Variants in KRT5 observed in about 807,000 individuals in gnomAD.
KRT5 encodes keratin, type II cytoskeletal 5.
In KRT5, 17 loss-of-function variants were observed where a neutral mutation model predicts 44.0. The observed-to-expected ratio is 0.39, with a 90% CI of 0.26 to 0.58. The LOEUF is 0.58. KRT5 is among the 20% of genes least tolerant of loss of function. KRT5 has a pLI of 0.61. For missense variants in KRT5, 737 were observed against 785.5 expected (o/e 0.94, Z 0.74); for synonymous variants, 329 against 312.8 (o/e 1.05, Z -0.55).
Position 52,514,863 on chromosome 12 carries a change from G to T in KRT5, c.*79C>A. 8.0e-7 allele frequency: 1 copy of T among 1,244,952 alleles called. No homozygotes were observed. The highest frequency in any genetic ancestry group is 1.2e-6 in the Non-Finnish European group (1 of 851,926). 77.1% of individuals were successfully genotyped at this position (1,244,952 alleles called of 1,614,324 possible). A position where few individuals can be genotyped will look rare whatever the true frequency, so the allele number is the denominator to read the frequency against. ...ACTCTCCAGAAAAGGATAAAACATG[G>T]CTTGAGCAACTGCCTAGAAGAGGCA... On this transcript the variant is annotated 3_prime_UTR_variant, in exon 9 of 9. Transcript: ENST00000252242.
chr12:52,518,269 TCTC>T, intron 2 of KRT5, 106 bp from the exon 3 acceptor site: 1 of 1,058,018 alleles, frequency 9.5e-7, no homozygotes, highest in Non-Finnish European at 1.5e-6. Context: ...GGAAGGGGCT[TCTC>T]CTCATAGGCA....
intron 7 of KRT5, 113 bp downstream of exon 7, chr12:52,516,523 GT>G: frequency 9.6e-7 from 1 of 1,043,482 alleles, no homozygotes; most frequent in Non-Finnish European, 1.5e-6. Flanking sequence ...TGTTGATGAT[GT>G]GTCATTATCA....
chr12:52,516,517 G>A, intron 7 of KRT5, 120 bp downstream of exon 7: 2 of 1,010,878 alleles, frequency 2.0e-6, no homozygotes, highest in Non-Finnish European at 3.1e-6. Flanking sequence ...AAATAGTGTT[G>A]ATGATGTGTC....
chr12:52,519,481 GC>G (rs1938674006), intron 1 of KRT5: 1 of 622,244 alleles, frequency 1.6e-6, no homozygotes, highest in South Asian at 1.9e-5. Flanking sequence ...TTTATATATG[GC>G]ATGAAATTCA....
chr12:52,519,263 C>A (rs1195447349), intron 1 of KRT5, 103 bp from the exon 2 acceptor site: 1 of 1,520,282 alleles, frequency 6.6e-7, no homozygotes, highest in Non-Finnish European at 9.0e-7. Flanking sequence ...TAAAGCTTTT[C>A]TGTGCACTGT....
chr12:52,514,710 A>G lies in KRT5; in HGVS notation c.*232T>C, dbSNP rs761866506. On this transcript the variant is annotated 3_prime_UTR_variant, in exon 9 of 9. Transcript: ENST00000252242. ...TTGGGTTCTCGTGTCAGCAGGGGCCATGCTGTGGGAAACCTGAAGGCTGAT... is the reference window on the plus strand; with the variant it reads ...TTGGGTTCTCGTGTCAGCAGGGGCCGTGCTGTGGGAAACCTGAAGGCTGAT... The G allele has an allele frequency of 8.9e-5, 49 of 551,518 alleles. No individual in the cohort carries two copies. Among genetic ancestry groups the G allele is most frequent in the Non-Finnish European group, 1.5e-4 (47 of 312,118 alleles). The allele number at this position is 551,518 out of a possible 1,614,324, so 34.2% of individuals were successfully genotyped here. A position where few individuals can be genotyped will look rare whatever the true frequency, so the allele number is the denominator to read the frequency against.
In KRT5 at chr12:52,516,865, T is replaced by A; in HGVS notation, c.1219-8A>T. Reference sequence around the variant, plus strand: ...GTTCTGCAGATTGGCGCACTACAGATAGAAAGGAGGAGAGTGGGGTTGCTT... The same window carrying A: ...GTTCTGCAGATTGGCGCACTACAGAAAGAAAGGAGGAGAGTGGGGTTGCTT... On this transcript the variant is annotated splice_polypyrimidine_tract_variant and splice_region_variant and intron_variant, in intron 6 of 8. Coordinates refer to ENST00000252242, the MANE Select transcript of KRT5 (RefSeq NM_000424.4). 6.2e-7 allele frequency: 1 copy of A among 1,614,050 alleles called. No individual in the cohort carries two copies. Among genetic ancestry groups the A allele is most frequent in the Non-Finnish European group, 8.5e-7 (1 of 1,179,970 alleles).
At position 52,520,050 on chromosome 12, in the gene KRT5, A is replaced by G. The variant is rs1372929067; in HGVS notation, c.247T>C (p.Phe83Leu). Residue 83 changes from phenylalanine (F) to leucine (L), a missense_variant, in exon 1 of 9, where the codon TTC (phenylalanine) becomes CTC (leucine). Around this residue, in one of 5 missense-constraint regions of KRT5, gnomAD observed 326 missense variants for 333.1 expected, o/e 0.98. Transcript: ENST00000252242. Reference sequence around the variant, plus strand: ...GCACCAGCACCAAACCGGTTCCTGAAGCTGCCACCACTAGTGCTGATGGAT... The same window carrying G: ...GCACCAGCACCAAACCGGTTCCTGAGGCTGCCACCACTAGTGCTGATGGAT... ...RISISTSGGS[F>L]RNRFGAGAGG... The G allele has an allele frequency of 4.3e-6, 7 of 1,613,950 alleles. No homozygotes were observed. In the African/African-American group the frequency reaches 9.3e-5, roughly 22 times the overall value.
chr12:52,517,605 G>C lies in KRT5; in HGVS notation c.1077C>G (p.Ser359=), dbSNP rs1416682948. ...GAGCACCCACCTTGGTCTGATACCA[G>C]GACTCGGCTTCTGTCCGGCTGCGGT... The part of the protein sequence containing the change: ...IANRSRTEAE[S]WYQTKYEELQ... Residue 359 remains serine, a synonymous_variant, in exon 5 of 9, where the codon TCC becomes TCG. Transcript: ENST00000252242. The C allele has an allele frequency of 6.2e-7, 1 of 1,614,178 alleles. No individual in the cohort carries two copies. The highest frequency in any genetic ancestry group is 8.5e-7 in the Non-Finnish European group (1 of 1,180,044).
chr12:52,519,398 G>GGCTCAGGGGTGGCTGCAAAGGC (rs1938672319), intron 1 of KRT5: 1 of 669,416 alleles, frequency 1.5e-6, no homozygotes, highest in Non-Finnish European at 2.5e-6. Context: ...AGTGTGTCCC[G>GGCTCAGGGGTGGCTGCAAAGGC]GCTCAGGGGT....
chr12:52,520,106 C>A lies in KRT5; in HGVS notation c.191G>T (p.Ser64Ile). 1 of 1,613,888 alleles carries A rather than the reference C, an allele frequency of 6.2e-7. No individual in the cohort carries two copies. The highest frequency in any genetic ancestry group is 8.5e-7 in the Non-Finnish European group (1 of 1,179,890). ...CTTGGAGCCCCCCAGGTTGTAGAGG[C>A]TCCGGCTGCCATAGCCACCCACTCC... The part of the protein sequence containing the change: ...ACGVGGYGSR[S>I]LYNLGGSKRI... The change falls in exon 1 of 9, where the codon AGC becomes ATC. Residue 64 changes from serine (S) to isoleucine (I), a missense_variant. Transcript: ENST00000252242.
chr12:52,515,536 G>A (rs867165985), intron 8 of KRT5: 5 of 621,758 alleles, frequency 8.0e-6, no homozygotes, highest in South Asian at 1.9e-5. Flanking sequence ...GGGGGAGCTA[G>A]GTACTAGGGA....
chr12:52,520,220 G>A lies in KRT5; in HGVS notation c.77C>T (p.Ser26Phe). Reference sequence around the variant, plus strand: ...GGAGGTGAAGCTGGTGCGGGAGACAGACGGGGTGATGGCAGAGGCGGTGCT... The same window carrying A: ...GGAGGTGAAGCTGGTGCGGGAGACAAACGGGGTGATGGCAGAGGCGGTGCT... ...SFSTASAITP[S>F]VSRTSFTSVS... The change falls in exon 1 of 9, where the codon TCT (serine) becomes TTT (phenylalanine). Residue 26 changes from serine (S) to phenylalanine (F), a missense_variant. Ser to Phe is a radical substitution (Grantham distance 155). This residue lies in a region of KRT5 where 326 missense variants were observed against 333.1 expected (regional missense o/e 0.98). Transcript: ENST00000252242. The A allele has an allele frequency of 6.2e-7, 1 of 1,614,124 alleles. No homozygotes were observed. Among genetic ancestry groups the A allele is most frequent in the Non-Finnish European group, 8.5e-7 (1 of 1,180,042 alleles).
At chr12:52,518,882 C>G in intron 2 of KRT5, 64 bp downstream of exon 2, 1 of 1,599,300 alleles carries the variant, frequency 6.3e-7, no homozygotes, top group Non-Finnish European at 8.6e-7. Context: ...AGACTAGTAA[C>G]AAAGCCCATC....
intron 5 of KRT5, 150 bp downstream of exon 5, chr12:52,517,440 T>C: frequency 9.5e-7 from 1 of 1,050,510 alleles, no homozygotes; most frequent in Non-Finnish European, 1.5e-6. Flanking sequence ...TCCTTGGGTT[T>C]AGATGGAAAT....
rs1938684274 is a variant in KRT5 at position 52,519,921 on chromosome 12, C to T, written c.376G>A (p.Gly126Ser). 5.0e-6 allele frequency: 8 copies of T among 1,612,652 alleles called. No homozygotes were observed. Among genetic ancestry groups the T allele is most frequent in the Admixed American group, 1.7e-5 (1 of 59,882 alleles). ...GLGGGAGFGG[G>S]FGGPGFPVCP... ...ACAGGAAAGCCAGGGCCACCGAAGC[C>T]ACCTCCAAAGCCAGCTCCGCCACCG... The change falls in exon 1 of 9, where the codon GGC (glycine) becomes AGC (serine). Residue 126 changes from glycine (G) to serine (S), a missense_variant. Transcript: ENST00000252242.
chr12:52,517,556 C>A (rs1363868518), intron 5 of KRT5, 34 bp downstream of exon 5: 3 of 1,598,536 alleles, frequency 1.9e-6, no homozygotes, highest in Non-Finnish European at 2.6e-6. Flanking sequence ...TGGGTGTGTC[C>A]CCTCACTCAG....
At position 52,516,869 on chromosome 12, in the gene KRT5, AAGG is replaced by A. The variant is rs752588410; in HGVS notation, c.1219-15_1219-13del. ...TGCAGATTGGCGCACTACAGATAGA[AAGG>A]AGGAGAGTGGGGTTGCTTGGGACCT... is the stretch of plus-strand genomic sequence containing the variant. On this transcript the variant is annotated splice_polypyrimidine_tract_variant and intron_variant, in intron 6 of 8. Transcript: ENST00000252242. 87 of 1,613,872 alleles carry A rather than the reference AAGG, an allele frequency of 5.4e-5. No homozygotes were observed. Among genetic ancestry groups the A allele is most frequent in the Non-Finnish European group, 6.8e-5 (80 of 1,179,958 alleles).
In KRT5 at chr12:52,518,005, G is replaced by T. The variant is rs949864684; in HGVS notation, c.832-13C>A. 6.2e-7 allele frequency: 1 copy of T among 1,612,984 alleles called. No homozygotes were observed. The highest frequency in any genetic ancestry group is 1.1e-5 in the South Asian group (1 of 91,062). Reference sequence around the variant, plus strand: ...CAGCATCTACATCCTGGGGAAACAGGGATGATTGGCACTGCACACACCGTC... The same window carrying T: ...CAGCATCTACATCCTGGGGAAACAGTGATGATTGGCACTGCACACACCGTC... On this transcript the variant is annotated splice_polypyrimidine_tract_variant and intron_variant, in intron 3 of 8. Coordinates refer to ENST00000252242, the MANE Select transcript of KRT5 (RefSeq NM_000424.4).
Sources: allele counts gnomAD v4.1 joint callset, GRCh38; gene constraint gnomAD v4.1.1; regional missense constraint gnomAD v4.1.1; transcripts MANE v1.5; gene names NCBI Gene and HGNC (gene_info 2026-07-23, HGNC 2026-07-21).